Variants in CCDC178 observed in about 807,000 individuals in gnomAD.
CCDC178 encodes coiled-coil domain-containing protein 178.
A neutral mutation model predicts 117.4 loss-of-function variants in CCDC178; 126 were observed. The observed-to-expected ratio is 1.07, with a 90% CI of 0.93 to 1.24. CCDC178 has a LOEUF of 1.24. Ranked by LOEUF, CCDC178 falls within the 50% of genes most tolerant of loss-of-function variation. The pLI, the probability that CCDC178 is intolerant of heterozygous loss-of-function variation, is 0.00. For synonymous variants in CCDC178, 283 were observed against 313.4 expected, an observed-to-expected ratio of 0.90 and a Z score of 1.02; for missense variants, 1,030 against 986.9, an observed-to-expected ratio of 1.04 and a Z score of -0.59.
intron 21 of CCDC178, among the ~76,000 whole-genome samples, chr18:33,042,376 GAAGT>G (rs2056564993): frequency 6.6e-6 from 1 of 152,006 alleles, no homozygotes; most frequent in South Asian, 2.1e-4. Flanking sequence ...AGAGGGCAAA[GAAGT>G]AAGTCAGACC....
intron 20 of CCDC178, among the ~76,000 whole-genome samples, chr18:33,186,542 T>C (rs1000096578): frequency 1.3e-5 from 2 of 152,038 alleles, no homozygotes; most frequent in African/African-American, 4.8e-5. Context: ...AACAAGGACG[T>C]AGTTGAGGTT....
At chr18:33,116,322 C>G (rs1201889112) in intron 20 of CCDC178, among the ~76,000 whole-genome samples, 2 of 152,140 alleles carry the variant, frequency 1.3e-5, no homozygotes, top group Non-Finnish European at 2.9e-5. Flanking sequence ...GTTGAAAAGT[C>G]TAAGGCAAAG....
chr18:33,395,498 T>C (rs1181319008), intron 4 of CCDC178, among the ~76,000 whole-genome samples: 1 of 152,052 alleles, frequency 6.6e-6, no homozygotes. Flanking sequence ...GAGTATACAC[T>C]AAATATACAA....
chr18:33,221,463 C>T (rs1331164939), intron 18 of CCDC178, among the ~76,000 whole-genome samples: 1 of 152,018 alleles, frequency 6.6e-6, no homozygotes, highest in Non-Finnish European at 1.5e-5. Context: ...TGATGAGACA[C>T]TTAGTGCCTG....
intron 15 of CCDC178, among the ~76,000 whole-genome samples, chr18:33,244,471 T>A (rs1244542078): frequency 1.3e-5 from 2 of 151,814 alleles, no homozygotes; most frequent in Admixed American, 1.3e-4. Context: ...TCATGAGGCA[T>A]TTCCCCCATG....
intron 7 of CCDC178, among the ~76,000 whole-genome samples, chr18:33,352,889 G>A (rs1011912905): frequency 2.6e-5 from 4 of 152,040 alleles, no homozygotes; most frequent in Admixed American, 2.6e-4. Context: ...GTTTTCTGCT[G>A]TTGTTAAGTG....
intron 14 of CCDC178, among the ~76,000 whole-genome samples, chr18:33,261,663 T>C (rs1453597149): frequency 6.6e-6 from 1 of 152,204 alleles, no homozygotes; most frequent in Non-Finnish European, 1.5e-5. Context: ...ATAATCTTTT[T>C]CACATTTAAA....
intron 2 of CCDC178, among the ~76,000 whole-genome samples, chr18:33,431,392 A>G (rs923581453): frequency 6.6e-6 from 1 of 151,964 alleles, no homozygotes. Flanking sequence ...AAAATTCAAT[A>G]ACATGATTTT....
intron 20 of CCDC178, among the ~76,000 whole-genome samples, chr18:33,210,822 A>G (rs544304699): frequency 1.6e-4 from 25 of 151,972 alleles, no homozygotes; most frequent in Non-Finnish European, 3.2e-4. Flanking sequence ...GGTCAAGAAA[A>G]CCCTTTTCTA....
At chr18:32,986,255 G>A (rs1264973241) in intron 21 of CCDC178, among the ~76,000 whole-genome samples, 1 of 152,068 alleles carries the variant, frequency 6.6e-6, no homozygotes, top group Non-Finnish European at 1.5e-5. Flanking sequence ...AGAACCATGA[G>A]TGAAACTTGA....
chr18:32,979,266 C>A (rs2055094792), intron 21 of CCDC178, among the ~76,000 whole-genome samples: 1 of 152,040 alleles, frequency 6.6e-6, no homozygotes, highest in African/African-American at 2.4e-5. Flanking sequence ...AACGATTCTC[C>A]TGTCTCAGCC....
rs558645152 is a variant in CCDC178, at chr18:33,197,205, T to A, written c.2238+14691A>T. On this transcript the variant is annotated intron_variant, in intron 20 of 22. Transcript: ENST00000383096. ...ACTATTCTTGGCTAATTTTTAAAAATTTCCATAATGCTGAGGGTTCACTAT... is the reference window on the plus strand; with the variant it reads ...ACTATTCTTGGCTAATTTTTAAAAAATTCCATAATGCTGAGGGTTCACTAT... 1.2e-4 allele frequency among the ~76,000 whole-genome samples: 19 copies of A among 152,174 alleles called. No homozygotes were observed. The South Asian group carries it at 3.9e-3, about 32-fold the overall frequency.
chr18:33,212,144 G>T, intron 19 of CCDC178, 89 bp from the exon 20 acceptor site: 3 of 1,005,860 alleles, frequency 3.0e-6, no homozygotes, highest in Non-Finnish European at 4.2e-6. Flanking sequence ...GGACCAAAAT[G>T]AAAAATCTTG....
intron 15 of CCDC178, among the ~76,000 whole-genome samples, chr18:33,239,838 T>C (rs770323485): frequency 7.9e-5 from 12 of 151,740 alleles, no homozygotes; most frequent in Non-Finnish European, 1.5e-4. Flanking sequence ...GGGATCTAAA[T>C]AGCACCATTG....
chr18:33,247,893 CAAT>C (rs2059569852), intron 14 of CCDC178, among the ~76,000 whole-genome samples: 1 of 151,622 alleles, frequency 6.6e-6, no homozygotes, highest in Non-Finnish European at 1.5e-5. Flanking sequence ...TCAGAAGGAA[CAAT>C]AATAAGGTAT....
chr18:33,358,767 A>G (rs2063091099), intron 6 of CCDC178, among the ~76,000 whole-genome samples: 1 of 151,868 alleles, frequency 6.6e-6, no homozygotes. Flanking sequence ...GTAAAGTGAT[A>G]AATTTAATTA....
intron 20 of CCDC178, among the ~76,000 whole-genome samples, chr18:33,188,299 C>T (rs943773900): frequency 6.6e-6 from 1 of 152,022 alleles, no homozygotes; most frequent in South Asian, 2.1e-4. Context: ...TTAAAGATGT[C>T]CCTCTAAGAT....
chr18:33,237,531 T>C (rs1367896440), intron 15 of CCDC178, among the ~76,000 whole-genome samples: 6 of 152,062 alleles, frequency 3.9e-5, no homozygotes, highest in Non-Finnish European at 7.4e-5. Context: ...GTCGACTCGA[T>C]AAACAGCCTC....
intron 20 of CCDC178, among the ~76,000 whole-genome samples, chr18:33,147,165 G>A (rs1400281049): frequency 1.6e-5 from 2 of 126,950 alleles, no homozygotes; most frequent in Admixed American, 8.2e-5. Flanking sequence ...TTTTTTGTAA[G>A]GAACAGAAAT....
Sources: gnomAD v4.1 joint callset for allele counts (sites outside exome capture counted in the v4.1 genomes callset) on GRCh38, gnomAD v4.1.1 for gene constraint, MANE v1.5 for transcripts, NCBI Gene and HGNC (gene_info 2026-07-23, HGNC 2026-07-21) for gene names.